Variants in LIN52 observed in about 807,000 individuals in gnomAD.
LIN52 encodes the protein lin-52 DREAM MuvB core complex component, also known as protein lin-52 homolog.
Under a neutral mutation model 18.5 loss-of-function variants are expected in LIN52, and 4 were observed. The observed-to-expected ratio is 0.22, with a 90% CI of 0.11 to 0.49. The LOEUF is 0.49. Among genes scored for constraint, LIN52 ranks in the 20% least tolerant of loss-of-function variants. The pLI is 0.97. For missense variants in LIN52, 102 were observed against 139.5 expected (o/e 0.73, Z 1.35); for synonymous variants, 34 against 45.5 (o/e 0.75, Z 1.02).
intron 5 of LIN52, among the ~76,000 whole-genome samples, chr14:74,185,075 T>C (rs2061335339): frequency 6.6e-6 from 1 of 151,948 alleles, no homozygotes; most frequent in South Asian, 2.1e-4. Context: ...TGGAATCTTA[T>C]CCATTTCTCC....
At chr14:74,173,457 G>A (rs548926586) in intron 5 of LIN52, among the ~76,000 whole-genome samples, 70 of 152,190 alleles carry the variant, frequency 4.6e-4, no homozygotes, top group Non-Finnish European at 9.1e-4. Flanking sequence ...AAAGTCCTGG[G>A]AGTACAGGCA....
intron 5 of LIN52, among the ~76,000 whole-genome samples, chr14:74,140,908 T>C (rs2061126848): frequency 6.6e-6 from 1 of 152,200 alleles, no homozygotes; most frequent in African/African-American, 2.4e-5. Flanking sequence ...TTTTTTCTGT[T>C]TTGTAATACC....
intron 5 of LIN52, among the ~76,000 whole-genome samples, chr14:74,161,377 G>T (rs2061224016): frequency 6.6e-6 from 1 of 152,142 alleles, no homozygotes; most frequent in Admixed American, 6.5e-5. Context: ...GTAGAGATGA[G>T]ATTTTGCCAC....
chr14:74,086,592 C>T (rs555310396), intron 1 of LIN52, among the ~76,000 whole-genome samples: 4 of 151,570 alleles, frequency 2.6e-5, no homozygotes, highest in African/African-American at 2.4e-5. Flanking sequence ...GGGGTGGAGG[C>T]GGCAGTGAAC....
chr14:74,087,863 T>C (rs1318063418), intron 1 of LIN52, among the ~76,000 whole-genome samples: 1 of 152,214 alleles, frequency 6.6e-6, no homozygotes, highest in East Asian at 1.9e-4. Flanking sequence ...TCCCAGACTG[T>C]GGTATCATAA....
chr14:74,124,825 A>AT (rs2061019725), intron 5 of LIN52, among the ~76,000 whole-genome samples: 1 of 151,088 alleles, frequency 6.6e-6, no homozygotes, highest in African/African-American at 2.4e-5. Context: ...AAAAAAAAAA[A>AT]AAAAAAAAGC....
At chr14:74,191,102 G>A (rs1222069406) in intron 5 of LIN52, among the ~76,000 whole-genome samples, 1 of 152,210 alleles carries the variant, frequency 6.6e-6, no homozygotes, top group Admixed American at 6.5e-5. Context: ...GACTGCCCTG[G>A]AACTGCTCTG....
intron 1 of LIN52, among the ~76,000 whole-genome samples, chr14:74,089,283 G>A (rs2060756146): frequency 6.6e-6 from 1 of 152,098 alleles, no homozygotes; most frequent in South Asian, 2.1e-4. Context: ...CTGAGAATTG[G>A]AATTTATGGT....
At chr14:74,191,134 G>A (rs2078873877) in intron 5 of LIN52, among the ~76,000 whole-genome samples, 2 of 152,240 alleles carry the variant, frequency 1.3e-5, no homozygotes. Context: ...CTCTGCGCCA[G>A]AGCCACAGGG....
At chr14:74,198,761 G>C (rs904024928) in intron 5 of LIN52, among the ~76,000 whole-genome samples, 161 bp from the exon 6 acceptor site, 2 of 152,166 alleles carry the variant, frequency 1.3e-5, no homozygotes, top group African/African-American at 2.4e-5. Context: ...ATAGTGGTTT[G>C]TTTTTACCCC....
At chr14:74,177,330 T>C (rs1197044903) in intron 5 of LIN52, among the ~76,000 whole-genome samples, 1 of 152,184 alleles carries the variant, frequency 6.6e-6, no homozygotes, top group Non-Finnish European at 1.5e-5. Context: ...TAAATAATGC[T>C]GCTGTGAACA....
intron 5 of LIN52, among the ~76,000 whole-genome samples, chr14:74,190,155 A>G (rs1455828856): frequency 6.6e-6 from 1 of 152,088 alleles, no homozygotes; most frequent in Non-Finnish European, 1.5e-5. Context: ...CTTTCTCAGC[A>G]GTCACTGGAG....
At chr14:74,198,698 G>T (rs1267984848) in intron 5 of LIN52, among the ~76,000 whole-genome samples, 2 of 152,144 alleles carry the variant, frequency 1.3e-5, no homozygotes, top group South Asian at 4.1e-4. Context: ...CAGTCATTTG[G>T]CATGTATCTC....
chr14:74,192,616 A>G, intron 5 of LIN52: 1 of 213,472 alleles, frequency 4.7e-6, no homozygotes, highest in Non-Finnish European at 9.4e-6. Flanking sequence ...TTGAAGGTGG[A>G]GGGGTAGGAT....
At chr14:74,131,589 T>TA (rs1280386666) in intron 5 of LIN52, among the ~76,000 whole-genome samples, 1 of 152,226 alleles carries the variant, frequency 6.6e-6, no homozygotes, top group Non-Finnish European at 1.5e-5. Context: ...GTGCTGGGAT[T>TA]ACAGGCGTGA....
chr14:74,162,540 C>T (rs973059472), intron 5 of LIN52, among the ~76,000 whole-genome samples: 6 of 148,816 alleles, frequency 4.0e-5, no homozygotes, highest in Admixed American at 4.0e-4. Flanking sequence ...TTCTTACTTT[C>T]CTTATTTATT....
chr14:74,154,049 G>T (rs1469308976), intron 5 of LIN52, among the ~76,000 whole-genome samples: 1 of 151,676 alleles, frequency 6.6e-6, no homozygotes, highest in Non-Finnish European at 1.5e-5. Context: ...TCGTTAGTGT[G>T]GTACATTTAT....
At chr14:74,158,095 A>G (rs1298956748) in intron 5 of LIN52, among the ~76,000 whole-genome samples, 2 of 148,312 alleles carry the variant, frequency 1.3e-5, no homozygotes, top group East Asian at 2.0e-4. Flanking sequence ...TATGCTTTCT[A>G]TCATCACTGC....
intron 5 of LIN52, among the ~76,000 whole-genome samples, chr14:74,128,064 A>G (rs2061038469): frequency 6.6e-6 from 1 of 152,202 alleles, no homozygotes; most frequent in Non-Finnish European, 1.5e-5. Context: ...GTTTTTTTAA[A>G]TGGAAAATAT....
Sources: gnomAD v4.1 joint callset for allele counts (sites outside exome capture counted in the v4.1 genomes callset) on GRCh38, gnomAD v4.1.1 for gene constraint, MANE v1.5 for transcripts, NCBI Gene and HGNC (gene_info 2026-07-23, HGNC 2026-07-21) for gene names.